The following PCDHA3 variants were observed in gnomAD, a reference collection of about 807,000 sequenced individuals.
The protein encoded by PCDHA3 is protocadherin alpha 3.
A neutral mutation model predicts 62.2 loss-of-function variants in PCDHA3; 41 were observed. The ratio of observed to expected loss-of-function variants is 0.66; its 90% confidence interval spans 0.51 to 0.86. The LOEUF (loss-of-function observed/expected upper bound fraction) is 0.86, where lower values mean the gene tolerates loss of function less well. Among genes scored for constraint, PCDHA3 ranks in the 40% least tolerant of loss-of-function variants. PCDHA3 has a pLI of 0.00. For synonymous variants in PCDHA3, 640 were observed against 555.4 expected (o/e 1.15, Z -2.14); for missense variants, 1,304 against 1,241.2 (o/e 1.05, Z -0.76).
chr5:140,916,046 C>T (rs2077416983), intron 1 of PCDHA3, among the ~76,000 whole-genome samples: 1 of 152,202 alleles, frequency 6.6e-6, no homozygotes, highest in Admixed American at 6.5e-5. Context: ...TTTCCACAGG[C>T]AGAGGTGCCT....
At chr5:140,859,607 C>G (rs1218189350) in intron 1 of PCDHA3, 2 of 161,864 alleles carry the variant, frequency 1.2e-5, no homozygotes, top group Non-Finnish European at 2.7e-5. Flanking sequence ...TTACTTTTTT[C>G]TTTCCTTTCT....
rs2150277995 is a variant in PCDHA3, at chr5:140,837,636, T to C, written c.2394+34045T>C. On this transcript the variant is annotated intron_variant, in intron 1 of 3. Coordinates refer to ENST00000522353, the MANE Select transcript of PCDHA3 (RefSeq NM_018906.3). ...TTGCCCCTTCCTTCCTTCCTTCCTTTCTTTCTTTCTTTCTTCCTTTTTCTT... is the reference window on the plus strand; with the variant it reads ...TTGCCCCTTCCTTCCTTCCTTCCTTCCTTTCTTTCTTTCTTCCTTTTTCTT... Among the ~76,000 whole-genome samples the C allele has an allele frequency of 1.4e-3, 182 of 134,336 alleles. 3 individuals are homozygous for C. Among genetic ancestry groups the C allele is most frequent in the African/African-American group, 3.6e-3 (92 of 25,542 alleles). The allele number at this position is 134,336 out of a possible 152,430, so 88.1% of individuals were successfully genotyped here.
At chr5:140,870,870 G>T in intron 1 of PCDHA3, 1 of 1,613,948 alleles carries the variant, frequency 6.2e-7, no homozygotes, top group African/African-American at 1.3e-5. Flanking sequence ...CGGGCCACGT[G>T]GTGGCGAAGG....
rs144422081 is a variant in PCDHA3 at position 140,808,638 on chromosome 5, C to A, written c.2394+5047C>A. 1.9e-3 allele frequency: 3,056 copies of A among 1,613,424 alleles called. 55 individuals carry two copies. In the African/African-American group the frequency reaches 0.036, roughly 19 times the overall value. On this transcript the variant is annotated intron_variant, in intron 1 of 3. Transcript: ENST00000522353. ...ACTGTGTCTGCGTGGGACGCGGACGCGCAGGAGAACGCGCTGGTGTCCTAC... is the reference window on the plus strand; with the variant it reads ...ACTGTGTCTGCGTGGGACGCGGACGAGCAGGAGAACGCGCTGGTGTCCTAC...
At chr5:140,941,211 C>CTT (rs59928198) in intron 1 of PCDHA3, among the ~76,000 whole-genome samples, 19 of 129,722 alleles carry the variant, frequency 1.5e-4, no homozygotes, top group African/African-American at 5.2e-4. Flanking sequence ...TCCTTTCTTT[C>CTT]TTCCTTTCTT....
chr5:140,957,222 G>A (rs537549328), intron 1 of PCDHA3, among the ~76,000 whole-genome samples: 1 of 152,182 alleles, frequency 6.6e-6, no homozygotes, highest in East Asian at 1.9e-4. Context: ...AAAATTTGGC[G>A]AAGCATTTTG....
chr5:140,899,269 A>G (rs1301807291), intron 1 of PCDHA3, among the ~76,000 whole-genome samples: 43 of 152,142 alleles, frequency 2.8e-4, no homozygotes, highest in African/African-American at 1.0e-3. Flanking sequence ...GTCTTGTGGC[A>G]GTTTTCAAAG....
chr5:140,844,208 T>C (rs1779271586), intron 1 of PCDHA3, among the ~76,000 whole-genome samples: 1 of 149,848 alleles, frequency 6.7e-6, no homozygotes, highest in African/African-American at 2.4e-5. Context: ...TAGTGTCTGG[T>C]AGTCACAAAT....
In PCDHA3 at chr5:140,835,502, C is replaced by A. The variant is rs139807581; in HGVS notation, c.2394+31911C>A. The stretch of plus-strand genomic sequence containing the variant: ...CAGGTACCGTCATCACATTGATTAG[C>A]GTGTTTGACCGAGATTTTGGAGTCA... On this transcript the variant is annotated intron_variant, in intron 1 of 3. Transcript: ENST00000522353. 2.5e-6 allele frequency: 4 copies of A among 1,613,806 alleles called. No homozygotes were observed. The highest frequency in any genetic ancestry group is 1.7e-5 in the Admixed American group (1 of 59,986).
Position 140,841,598 on chromosome 5 carries a change from G to T in PCDHA3, c.2394+38007G>T, listed in dbSNP as rs2150318945. 1.9e-6 allele frequency: 3 copies of T among 1,614,142 alleles called. No homozygotes were observed. The South Asian group carries it at 3.3e-5, about 18-fold the overall frequency. On this transcript the variant is annotated intron_variant, in intron 1 of 3. Coordinates refer to ENST00000522353, the MANE Select transcript of PCDHA3 (RefSeq NM_018906.3). ...GTTTGTGAATTCTCGGATCGACCGCGAGGAGCTGTGCGGGCGGAGCGCGGA... is the reference window on the plus strand; with the variant it reads ...GTTTGTGAATTCTCGGATCGACCGCTAGGAGCTGTGCGGGCGGAGCGCGGA...
rs145248721 is a variant in PCDHA3 at position 140,849,849 on chromosome 5, G to A, written c.2394+46258G>A. 13 of 1,598,556 alleles carry A rather than the reference G, an allele frequency of 8.1e-6. 1 individual carries two copies. The South Asian group carries it at 1.1e-4, about 14-fold the overall frequency. On this transcript the variant is annotated intron_variant, in intron 1 of 3. Coordinates refer to ENST00000522353, the MANE Select transcript of PCDHA3 (RefSeq NM_018906.3). Reference sequence around the variant, plus strand: ...GGAGGTGGCCGACGTGAACGACAACGCACCAGCGTTCGCGCAGTCCGAGTA... The same window carrying A: ...GGAGGTGGCCGACGTGAACGACAACACACCAGCGTTCGCGCAGTCCGAGTA...
chr5:140,836,501 G>A (rs1554136017), intron 1 of PCDHA3: 4 of 1,613,866 alleles, frequency 2.5e-6, no homozygotes, highest in Admixed American at 1.7e-5. Flanking sequence ...CCATCTGCGC[G>A]GTGTCCAGTC....
chr5:140,895,692 A>G (rs1367486030), intron 1 of PCDHA3, among the ~76,000 whole-genome samples: 1 of 152,138 alleles, frequency 6.6e-6, no homozygotes, highest in African/African-American at 2.4e-5. Flanking sequence ...CTGTTTCTAT[A>G]TTAATTCACT....
At chr5:140,958,711 T>C (rs1402769483) in intron 1 of PCDHA3, among the ~76,000 whole-genome samples, 1 of 152,216 alleles carries the variant, frequency 6.6e-6, no homozygotes, top group Non-Finnish European at 1.5e-5. Flanking sequence ...AACTCTGTTA[T>C]AATAAATGTA....
At chr5:140,860,243 C>G (rs189216184) in intron 1 of PCDHA3, 1 of 151,206 alleles carries the variant, frequency 6.6e-6, no homozygotes, top group Non-Finnish European at 1.5e-5. Context: ...CATGGTGGTA[C>G]ATGCCTTTAG....
chr5:140,807,315 C>A (rs782815519), intron 1 of PCDHA3: 7 of 1,613,884 alleles, frequency 4.3e-6, no homozygotes, highest in Non-Finnish European at 5.9e-6. Flanking sequence ...AAACACGGCA[C>A]CTTCGTGGGC....
At chr5:140,857,467 C>T in intron 1 of PCDHA3, 3 of 1,598,642 alleles carry the variant, frequency 1.9e-6, no homozygotes, top group Non-Finnish European at 2.6e-6. Flanking sequence ...GCTGCCACAT[C>T]TTCACGGTGT....
Position 140,822,071 on chromosome 5 carries a change from C to T in PCDHA3, c.2394+18480C>T. The T allele has an allele frequency of 6.2e-7, 1 of 1,614,190 alleles. No homozygotes were observed. Among genetic ancestry groups the T allele is most frequent in the Non-Finnish European group, 8.5e-7 (1 of 1,180,032 alleles). ...CGGGAGGAGCTGTGCCGGCGGAGGG[C>T]GGAGTGCAGCATCCACCTGGAGGTG... On this transcript the variant is annotated intron_variant, in intron 1 of 3. Transcript: ENST00000522353.
chr5:140,961,155 G>C (rs1214072320), intron 1 of PCDHA3, among the ~76,000 whole-genome samples: 3 of 152,126 alleles, frequency 2.0e-5, no homozygotes, highest in Non-Finnish European at 4.4e-5. Context: ...TATTATTTCA[G>C]TACATATCTA....
Sources: gnomAD v4.1 joint callset for allele counts (sites outside exome capture counted in the v4.1 genomes callset) on GRCh38, gnomAD v4.1.1 for gene constraint, MANE v1.5 for transcripts, NCBI Gene and HGNC (gene_info 2026-07-23, HGNC 2026-07-21) for gene names.